Variants in ZFAND3 observed in about 807,000 individuals in gnomAD.
ZFAND3 encodes zinc finger AN1-type containing 3, also known as AN1-type zinc finger protein 3.
A neutral mutation model predicts 29.6 loss-of-function variants in ZFAND3; 10 were observed. The ratio of observed to expected loss-of-function variants is 0.34; its 90% CI spans 0.21 to 0.57. ZFAND3 has a LOEUF of 0.57. Among genes scored for constraint, ZFAND3 ranks in the 20% least tolerant of loss-of-function variants. The pLI is 0.86. For missense variants in ZFAND3, 230 were observed against 304.5 expected, an observed-to-expected ratio of 0.76 and a Z score of 1.82; for synonymous variants, 128 against 112.6, an observed-to-expected ratio of 1.14 and a Z score of -0.87.
chr6:37,937,835 T>C (rs12200258), intron 2 of ZFAND3, among the ~76,000 whole-genome samples: 39,701 of 152,084 alleles, frequency 0.26, 6,675 homozygotes, highest in Non-Finnish European at 0.38. Context: ...ATTTTGGTCA[T>C]GTGTTTGTTA....
In ZFAND3 at chr6:37,874,821, C is replaced by T. The variant is rs139665367; in HGVS notation, c.71+54805C>T. Among the ~76,000 whole-genome samples, 537 of 152,230 alleles carry T rather than the reference C, an allele frequency of 3.5e-3. 2 individuals are homozygous for T. Among genetic ancestry groups the T allele is most frequent in the Non-Finnish European group, 5.7e-3 (388 of 68,008 alleles). On this transcript the variant is annotated intron_variant, in intron 1 of 5. Transcript: ENST00000287218. Reference sequence around the variant, plus strand: ...AAACTCTGGACTCAAGCAGTCCTCTCGCCTCAGCCTCCCAAAGTGCTGGTA... The same window carrying T: ...AAACTCTGGACTCAAGCAGTCCTCTTGCCTCAGCCTCCCAAAGTGCTGGTA...
chr6:37,915,764 A>C (rs1761236408), intron 1 of ZFAND3: 2 of 152,062 alleles, frequency 1.3e-5, no homozygotes, highest in Admixed American at 6.6e-5. Flanking sequence ...GTTTTTAAAA[A>C]ATTTTTTGTT....
intron 1 of ZFAND3, chr6:37,915,734 A>G (rs943451494): frequency 2.6e-5 from 4 of 151,552 alleles, no homozygotes; most frequent in African/African-American, 9.7e-5. Context: ...CTGCGTTTGC[A>G]CTCTCCCCTG....
chr6:38,153,034 G>GTT lies in ZFAND3; in HGVS notation c.*646_*647insTT. 5 of 985,790 alleles carry GTT rather than the reference G, an allele frequency of 5.1e-6. No individual in the cohort carries two copies. In the South Asian group the frequency reaches 2.3e-4, roughly 46 times the overall value. The allele number at this position is 985,790 out of a possible 1,614,324, so 61.1% of individuals were successfully genotyped here. A position where few individuals can be genotyped will look rare whatever the true frequency, so the allele number is the denominator to read the frequency against. ...AACTCATCACACAAGAAGAGAAACA[G>GTT]TAACCTCACTTTGAAAATTAGCTCC... is the stretch of plus-strand genomic sequence containing the variant. On this transcript the variant is annotated 3_prime_UTR_variant, in exon 6 of 6. Transcript: ENST00000287218.
chr6:38,128,119 C>T (rs922711278), intron 5 of ZFAND3, among the ~76,000 whole-genome samples: 15 of 152,258 alleles, frequency 9.9e-5, no homozygotes, highest in South Asian at 6.2e-4. Flanking sequence ...CACACGCACA[C>T]GCATAGTAGT....
intron 2 of ZFAND3, among the ~76,000 whole-genome samples, chr6:37,936,392 T>C (rs1761699200): frequency 6.6e-6 from 1 of 152,178 alleles, no homozygotes; most frequent in Admixed American, 6.5e-5. Context: ...AAGATATGTT[T>C]AAGAAATGGA....
intron 2 of ZFAND3, among the ~76,000 whole-genome samples, chr6:38,036,163 T>C (rs1452714879): frequency 6.6e-6 from 1 of 152,166 alleles, no homozygotes; most frequent in Non-Finnish European, 1.5e-5. Context: ...TTTTCATTAG[T>C]AAAGGGTGAA....
At chr6:37,873,668 C>T (rs530739312) in intron 1 of ZFAND3, among the ~76,000 whole-genome samples, 1 of 152,158 alleles carries the variant, frequency 6.6e-6, no homozygotes, top group Non-Finnish European at 1.5e-5. Context: ...ACAAATTGAT[C>T]TTCTTAGGGA....
intron 1 of ZFAND3, among the ~76,000 whole-genome samples, chr6:37,898,263 C>G (rs184436178): frequency 1.3e-5 from 2 of 152,096 alleles, no homozygotes; most frequent in African/African-American, 4.8e-5. Context: ...GACCCAGCTC[C>G]GTTTATTGAA....
intron 2 of ZFAND3, among the ~76,000 whole-genome samples, chr6:37,988,412 A>G (rs1339657830): frequency 6.6e-6 from 1 of 152,182 alleles, no homozygotes; most frequent in Non-Finnish European, 1.5e-5. Flanking sequence ...ATCTATTGCA[A>G]ACTTTTCCTC....
intron 2 of ZFAND3, among the ~76,000 whole-genome samples, chr6:37,989,336 A>G (rs1473073603): frequency 6.6e-6 from 1 of 152,170 alleles, no homozygotes; most frequent in Non-Finnish European, 1.5e-5. Context: ...ATTCCTCATA[A>G]TACTACTGAA....
rs202057469 is a variant in ZFAND3 at position 37,908,743 on chromosome 6, G to GAA, written c.72-21200_72-21199dup. Among the ~76,000 whole-genome samples, 948 of 97,226 alleles carry GAA rather than the reference G, an allele frequency of 9.8e-3. 14 individuals carry two copies. The highest frequency in any genetic ancestry group is 0.024 in the African/African-American group (666 of 28,142). 63.8% of individuals were successfully genotyped at this position (97,226 alleles called of 152,430 possible). ...TAAACAAGTAAACTTAATTTTCAAA[G>GAA]AAAAAAAAAAAAAAAAAGAAAAGTT... On this transcript the variant is annotated intron_variant, in intron 1 of 5. Transcript: ENST00000287218.
intron 1 of ZFAND3, among the ~76,000 whole-genome samples, chr6:37,922,793 C>G (rs575254146): frequency 6.6e-6 from 1 of 152,276 alleles, no homozygotes; most frequent in Non-Finnish European, 1.5e-5. Flanking sequence ...AAGTGTACAC[C>G]TGTCCCAGGC....
At chr6:38,137,705 AGGCC>A (rs1197503358) in intron 5 of ZFAND3, among the ~76,000 whole-genome samples, 1 of 152,148 alleles carries the variant, frequency 6.6e-6, no homozygotes, top group East Asian at 1.9e-4. Flanking sequence ...GGGAAGGGGG[AGGCC>A]AGCACCTGGG....
At chr6:37,926,197 C>T (rs924039208) in intron 1 of ZFAND3, among the ~76,000 whole-genome samples, 1 of 152,282 alleles carries the variant, frequency 6.6e-6, no homozygotes, top group Middle Eastern at 3.4e-3. Context: ...AGGGAATATG[C>T]TATGATCAGA....
intron 1 of ZFAND3, among the ~76,000 whole-genome samples, chr6:37,913,845 G>A (rs1761178233): frequency 1.3e-5 from 2 of 151,542 alleles, no homozygotes; most frequent in Admixed American, 1.3e-4. Context: ...CGAATAGCTG[G>A]GACTATAGGC....
chr6:37,995,543 A>G (rs1561959777), intron 2 of ZFAND3, among the ~76,000 whole-genome samples: 1 of 152,144 alleles, frequency 6.6e-6, no homozygotes, highest in Non-Finnish European at 1.5e-5. Flanking sequence ...GTTGTTGGAA[A>G]ATTTAATTTT....
At position 38,049,968 on chromosome 6, in the gene ZFAND3, T is replaced by G. The variant is rs1172285763; in HGVS notation, c.113-11625T>G. Among the ~76,000 whole-genome samples the G allele has an allele frequency of 6.2e-3, 250 of 40,504 alleles. 1 individual carries two copies. Among genetic ancestry groups the G allele is most frequent in the South Asian group, 9.3e-3 (9 of 964 alleles). 26.6% of individuals were successfully genotyped at this position (40,504 alleles called of 152,430 possible). ...TAATTTTTTTTTTTTTTTTTTTTTTTGGGGGAGACAGAGTCTCTCTCTGTC... is the reference window on the plus strand; with the variant it reads ...TAATTTTTTTTTTTTTTTTTTTTTTGGGGGGAGACAGAGTCTCTCTCTGTC... On this transcript the variant is annotated intron_variant, in intron 2 of 5. Transcript: ENST00000287218.
At chr6:38,144,184 A>ATATATATATT (rs66561715) in intron 5 of ZFAND3, among the ~76,000 whole-genome samples, 2,641 of 42,236 alleles carry the variant, frequency 0.063, 73 homozygotes, top group Non-Finnish European at 0.081. Flanking sequence ...ATATATATAT[A>ATATATATATT]ATATATATAT....
Sources: gnomAD v4.1 joint callset for allele counts (sites outside exome capture counted in the v4.1 genomes callset) on GRCh38, gnomAD v4.1.1 for gene constraint, MANE v1.5 for transcripts, NCBI Gene and HGNC (gene_info 2026-07-23, HGNC 2026-07-21) for gene names.